Variants in PPP1R9A observed in about 807,000 individuals in gnomAD.
PPP1R9A encodes the protein protein phosphatase 1 regulatory subunit 9A, also known as neurabin-1.
PPP1R9A carries 59 observed loss-of-function variants against 141.9 expected under a neutral mutation model. The ratio of observed to expected loss-of-function variants is 0.42; its 90% CI spans 0.34 to 0.52. PPP1R9A has a LOEUF of 0.52. Among genes scored for constraint, PPP1R9A ranks in the 20% least tolerant of loss-of-function variants. The pLI, the probability that PPP1R9A is intolerant of heterozygous loss-of-function variation, is 0.10. For synonymous variants in PPP1R9A, 500 were observed against 569.7 expected (o/e 0.88, Z 1.74); for missense variants, 1,444 against 1,611.9 (o/e 0.90, Z 1.78).
Position 95,286,369 on chromosome 7 carries a change from C to T in PPP1R9A, c.3729+44C>T, listed in dbSNP as rs373518550. On this transcript the variant is annotated intron_variant, in intron 18 of 19. Transcript: ENST00000433360. ...GACAGAGCTGCTTTGTCAAATCTGA[C>T]GTTTTACCCATGAACCATCACCAGG... 213 of 1,604,120 alleles carry T rather than the reference C, an allele frequency of 1.3e-4. 1 individual carries two copies. Among genetic ancestry groups the T allele is most frequent in the African/African-American group, 6.4e-4 (48 of 74,656 alleles).
At chr7:94,991,089 A>G (rs1801450902) in intron 2 of PPP1R9A, among the ~76,000 whole-genome samples, 1 of 152,102 alleles carries the variant, frequency 6.6e-6, no homozygotes, top group African/African-American at 2.4e-5. Context: ...TTCTATTTGT[A>G]GTTTTTTGAG....
rs1791423063 is a variant in PPP1R9A at position 94,911,274 on chromosome 7, A to C, written c.1161A>C (p.Ser387=). Residue 387 remains serine (S), a synonymous_variant, in exon 2 of 20, where the codon TCA becomes TCC. Transcript: ENST00000433360. ...GTGGAAAAGAAGTACCTGAAGATTC[A>C]AATAATTTTGATGGTTCCCATGTGT... is the stretch of plus-strand genomic sequence containing the variant. ...SSCGKEVPED[S]NNFDGSHVYM... 2 of 1,614,036 alleles carry C rather than the reference A, an allele frequency of 1.2e-6. No homozygotes were observed. Among genetic ancestry groups the C allele is most frequent in the Non-Finnish European group, 1.7e-6 (2 of 1,180,028 alleles).
rs1806502982 is a variant in PPP1R9A at position 95,292,473 on chromosome 7, G to A, written c.*2170G>A. 1.3e-5 allele frequency: 2 copies of A among 152,636 alleles called. No individual in the cohort carries two copies. The highest frequency in any genetic ancestry group is 2.9e-5 in the Non-Finnish European group (2 of 67,990). The allele number at this position is 152,636 out of a possible 1,614,324, so 9.5% of individuals were successfully genotyped here. On this transcript the variant is annotated 3_prime_UTR_variant, in exon 20 of 20. Coordinates refer to ENST00000433360, the MANE Select transcript of PPP1R9A (RefSeq NM_001166160.2). ...TTATGTTTACACTTTGGTAATATTT[G>A]AAAATGGATGTATATACTGGAAATG...
At chr7:95,266,356 A>G (rs942814919) in intron 12 of PPP1R9A, among the ~76,000 whole-genome samples, 1 of 151,968 alleles carries the variant, frequency 6.6e-6, no homozygotes, top group Non-Finnish European at 1.5e-5. Context: ...TATCTAACAT[A>G]TAGGGAAGAT....
chr7:95,048,430 T>C (rs1291796815), intron 2 of PPP1R9A, among the ~76,000 whole-genome samples: 1 of 152,180 alleles, frequency 6.6e-6, no homozygotes, highest in Non-Finnish European at 1.5e-5. Flanking sequence ...AGCAGTGTCT[T>C]GGAAGAGCAA....
chr7:95,164,722 G>GT (rs1289474201), intron 5 of PPP1R9A, among the ~76,000 whole-genome samples: 4 of 107,560 alleles, frequency 3.7e-5, no homozygotes, highest in Non-Finnish European at 3.9e-5. Flanking sequence ...GATTACCATG[G>GT]TTTTTTTTCT....
intron 7 of PPP1R9A, among the ~76,000 whole-genome samples, chr7:95,217,734 C>T (rs1793699011): frequency 6.6e-6 from 1 of 152,124 alleles, no homozygotes. Flanking sequence ...TCCATTTCTT[C>T]TAGATTTTCT....
intron 2 of PPP1R9A, among the ~76,000 whole-genome samples, chr7:94,978,364 T>C (rs1220938541): frequency 3.3e-5 from 5 of 152,212 alleles, no homozygotes; most frequent in Admixed American, 3.3e-4. Context: ...GTAGACTAAA[T>C]TTTTATGTGA....
chr7:94,911,055 C>T lies in PPP1R9A; in HGVS notation c.942C>T (p.Asp314=). The change falls in exon 2 of 20, where the codon GAC becomes GAT. Residue 314 remains aspartate, a synonymous_variant. Transcript: ENST00000433360. ...EDSTSNQQTP[D]SIDKDGPEEP... is the part of the protein sequence containing the mutation. ...CCACATCTAATCAACAGACTCCCGA[C>T]AGCATTGACAAAGATGGTCCTGAAG... 1.2e-6 allele frequency: 2 copies of T among 1,614,200 alleles called. No homozygotes were observed. Among genetic ancestry groups the T allele is most frequent in the Non-Finnish European group, 1.7e-6 (2 of 1,180,028 alleles).
At chr7:95,127,207 A>C (rs545472369) in intron 4 of PPP1R9A, among the ~76,000 whole-genome samples, 1 of 152,234 alleles carries the variant, frequency 6.6e-6, no homozygotes, top group East Asian at 1.9e-4. Context: ...CAGATTTTCA[A>C]ATTTTTTCTT....
intron 8 of PPP1R9A, among the ~76,000 whole-genome samples, chr7:95,228,392 G>A (rs1180541261): frequency 6.6e-6 from 1 of 152,006 alleles, no homozygotes; most frequent in African/African-American, 2.4e-5. Flanking sequence ...TATAAGACAT[G>A]TACCCAATTT....
chr7:94,997,106 A>G (rs745764064), intron 2 of PPP1R9A, among the ~76,000 whole-genome samples: 6 of 151,808 alleles, frequency 4.0e-5, no homozygotes, highest in African/African-American at 7.3e-5. Flanking sequence ...ACCTGGCCAG[A>G]TACTCTGTAT....
chr7:95,103,449 G>A (rs1819082989), intron 2 of PPP1R9A, among the ~76,000 whole-genome samples: 1 of 143,738 alleles, frequency 7.0e-6, no homozygotes, highest in South Asian at 2.2e-4. Flanking sequence ...CTCACTGCAA[G>A]CTCCGCCTCC....
At chr7:95,134,511 A>G (rs1460079735) in intron 4 of PPP1R9A, among the ~76,000 whole-genome samples, 5 of 152,116 alleles carry the variant, frequency 3.3e-5, no homozygotes, top group Non-Finnish European at 7.4e-5. Flanking sequence ...ATCTCGGCTC[A>G]CCACAACCTC....
At chr7:95,213,623 C>G (rs1420941593) in intron 7 of PPP1R9A, among the ~76,000 whole-genome samples, 1 of 152,142 alleles carries the variant, frequency 6.6e-6, no homozygotes, top group Non-Finnish European at 1.5e-5. Flanking sequence ...CACGCCCAGC[C>G]TGGTTATACA....
chr7:95,093,459 G>T lies in PPP1R9A; in HGVS notation c.1396-17800G>T, dbSNP rs533481747. 2.0e-5 allele frequency among the ~76,000 whole-genome samples: 3 copies of T among 152,250 alleles called. No homozygotes were observed. In the South Asian group the frequency reaches 6.2e-4, roughly 32 times the overall value. ...AAATAATACAATTTCATCCACAACA[G>T]TAAAGCTAATTACCCTTGACTGTAG... On this transcript the variant is annotated intron_variant, in intron 2 of 19. Transcript: ENST00000433360.
intron 2 of PPP1R9A, among the ~76,000 whole-genome samples, chr7:95,054,102 G>T (rs1198020852): frequency 6.6e-6 from 1 of 150,642 alleles, no homozygotes; most frequent in African/African-American, 2.4e-5. Context: ...TCCTCCAGTG[G>T]TTCCCCACTG....
At chr7:95,112,222 A>G (rs1331699021) in intron 3 of PPP1R9A, among the ~76,000 whole-genome samples, 1 of 152,140 alleles carries the variant, frequency 6.6e-6, no homozygotes, top group East Asian at 1.9e-4. Flanking sequence ...CAACAACAAA[A>G]AGAAAGAAAC....
chr7:94,971,882 C>G (rs1004386227), intron 2 of PPP1R9A, among the ~76,000 whole-genome samples: 21 of 152,242 alleles, frequency 1.4e-4, no homozygotes, highest in African/African-American at 5.1e-4. Context: ...ATTCTTTCTT[C>G]CTAAGTTTTT....
Sources: gnomAD v4.1 joint callset for allele counts (sites outside exome capture counted in the v4.1 genomes callset) on GRCh38, gnomAD v4.1.1 for gene constraint, MANE v1.5 for transcripts, NCBI Gene and HGNC (gene_info 2026-07-23, HGNC 2026-07-21) for gene names.